Variants in TMPRSS15 observed in about 807,000 individuals in gnomAD.
TMPRSS15 encodes transmembrane serine protease 15.
TMPRSS15 carries 128 observed loss-of-function variants against 125.3 expected under a neutral mutation model. The observed-to-expected ratio is 1.02, with a 90% confidence interval of 0.89 to 1.18. The LOEUF (loss-of-function observed/expected upper bound fraction) is 1.18. TMPRSS15 is among the 50% of genes most tolerant of loss of function. TMPRSS15 has a pLI of 0.00. For synonymous variants in TMPRSS15, 446 were observed against 423.2 expected, an observed-to-expected ratio of 1.05 and a Z score of -0.66; for missense variants, 1,283 against 1,212.7, an observed-to-expected ratio of 1.06 and a Z score of -0.86.
chr21:18,430,084 A>G (rs190617323), intron 1 of TMPRSS15, among the ~76,000 whole-genome samples: 85 of 152,248 alleles, frequency 5.6e-4, no homozygotes, highest in Admixed American at 2.7e-3. Context: ...TCACCTTTTC[A>G]CAATGTTAGC....
At chr21:18,425,208 C>A (rs1445247920) in intron 1 of TMPRSS15, among the ~76,000 whole-genome samples, 1 of 151,940 alleles carries the variant, frequency 6.6e-6, no homozygotes, top group South Asian at 2.1e-4. Context: ...CAACAGAAAA[C>A]TATTCTTATG....
At chr21:18,272,516 G>A (rs1300679804) in intron 24 of TMPRSS15, among the ~76,000 whole-genome samples, 1 of 152,080 alleles carries the variant, frequency 6.6e-6, no homozygotes. Context: ...CTGAGATCAG[G>A]AGTTCGAGAT....
chr21:18,341,672 A>G lies in TMPRSS15; in HGVS notation c.1429-124T>C, dbSNP rs962020575. ...ATTCAATATTGTCACCTTGAACTAT[A>G]TGGTGACCGTTACTACATAGTGAAA... is the stretch of plus-strand genomic sequence containing the variant. On this transcript the variant is annotated intron_variant, in intron 12 of 24. Coordinates refer to ENST00000284885, the MANE Select transcript of TMPRSS15 (RefSeq NM_002772.3). 1.1e-4 allele frequency: 115 copies of G among 1,065,754 alleles called. 2 individuals carry two copies. The South Asian group carries it at 1.4e-3, about 13-fold the overall frequency. 66.0% of individuals were successfully genotyped at this position (1,065,754 alleles called of 1,614,324 possible). A position where few individuals can be genotyped will look rare whatever the true frequency, so the allele number is the denominator to read the frequency against.
intron 6 of TMPRSS15, among the ~76,000 whole-genome samples, chr21:18,365,833 C>T (rs1318402080): frequency 3.6e-5 from 5 of 140,448 alleles, no homozygotes; most frequent in African/African-American, 1.3e-4. Flanking sequence ...CTCCTGTGTT[C>T]AAGTGATTCT....
chr21:18,386,970 G>GAAAAA (rs2075949525), intron 3 of TMPRSS15, among the ~76,000 whole-genome samples: 1 of 152,108 alleles, frequency 6.6e-6, no homozygotes, highest in Non-Finnish European at 1.5e-5. Context: ...ATTTTTCTTT[G>GAAAAA]AAAGGTGTGT....
chr21:18,341,833 G>A (rs1225455072), intron 12 of TMPRSS15, among the ~76,000 whole-genome samples: 1 of 152,118 alleles, frequency 6.6e-6, no homozygotes, highest in Non-Finnish European at 1.5e-5. Context: ...CTCTGTCTGT[G>A]TCTCTCTTAT....
chr21:18,470,549 G>C (rs533874218), intron 1 of TMPRSS15, among the ~76,000 whole-genome samples: 4 of 152,066 alleles, frequency 2.6e-5, no homozygotes, highest in Admixed American at 6.6e-5. Context: ...AAAAGAAGCA[G>C]TATATCTGAA....
intron 4 of TMPRSS15, chr21:18,380,710 G>A: frequency 2.9e-6 from 1 of 345,540 alleles, no homozygotes; most frequent in South Asian, 2.4e-5. Flanking sequence ...TTTATCCTCT[G>A]CCATGCTAAG....
intron 5 of TMPRSS15, among the ~76,000 whole-genome samples, chr21:18,378,818 G>T (rs1346277859): frequency 6.6e-6 from 1 of 152,004 alleles, no homozygotes; most frequent in African/African-American, 2.4e-5. Flanking sequence ...GCACAAAGTA[G>T]ATACTTAAAA....
chr21:18,274,417 G>A (rs1162597690), intron 24 of TMPRSS15, among the ~76,000 whole-genome samples: 3 of 152,078 alleles, frequency 2.0e-5, no homozygotes, highest in Admixed American at 6.5e-5. Flanking sequence ...TTTATTTATT[G>A]TGTGTACTTG....
rs147260020 is a variant in TMPRSS15, at chr21:18,279,044, A to G, written c.2684T>C (p.Ile895Thr). Reference protein sequence around the residue: ...KVNYTDYIQPICLPEENQVFP... With the variant: ...KVNYTDYIQPTCLPEENQVFP... ...AACTTGATTTTCTTCCGGTAAACAA[A>G]TAGGTTGTATGTAATCTGGAAAAAC... Residue 895 changes from isoleucine to threonine, a missense_variant, in exon 23 of 25, where the codon ATT becomes ACT. Coordinates refer to ENST00000284885, the MANE Select transcript of TMPRSS15 (RefSeq NM_002772.3). The G allele has an allele frequency of 9.5e-6, 15 of 1,581,872 alleles. No individual in the cohort carries two copies. In the African/African-American group the frequency reaches 1.5e-4, roughly 16 times the overall value.
chr21:18,483,707 T>G (rs536205087), intron 1 of TMPRSS15, among the ~76,000 whole-genome samples: 29 of 152,078 alleles, frequency 1.9e-4, no homozygotes, highest in Middle Eastern at 3.4e-3. Context: ...GTGTGATAAT[T>G]GACAACTCAT....
intron 1 of TMPRSS15, among the ~76,000 whole-genome samples, chr21:18,424,029 C>T (rs1374217331): frequency 6.6e-6 from 1 of 152,104 alleles, no homozygotes; most frequent in African/African-American, 2.4e-5. Context: ...AAGTTTCAGC[C>T]TGGCATCAAT....
At chr21:18,377,351 G>T (rs1052139246) in intron 5 of TMPRSS15, among the ~76,000 whole-genome samples, 2 of 152,014 alleles carry the variant, frequency 1.3e-5, no homozygotes, top group Non-Finnish European at 2.9e-5. Context: ...ATCTTTTAAA[G>T]AAAGTATCCA....
chr21:18,296,450 TTGA>T (rs2074908805), intron 19 of TMPRSS15, among the ~76,000 whole-genome samples: 1 of 152,200 alleles, frequency 6.6e-6, no homozygotes, highest in Admixed American at 6.5e-5. Context: ...AACTGGCTTG[TTGA>T]TGTGATGAAA....
intron 8 of TMPRSS15, among the ~76,000 whole-genome samples, chr21:18,358,708 C>T (rs1325315664): frequency 6.6e-6 from 1 of 151,880 alleles, no homozygotes; most frequent in African/African-American, 2.4e-5. Flanking sequence ...ATATATTATA[C>T]CTCATTTTAC....
intron 1 of TMPRSS15, among the ~76,000 whole-genome samples, chr21:18,470,480 C>A (rs978424): frequency 0.56 from 85,530 of 151,812 alleles, 24,922 homozygotes; most frequent in East Asian, 0.91. Flanking sequence ...TAAATGAATT[C>A]TAAGCAAATG....
chr21:18,318,829 G>A (rs1399420228), intron 16 of TMPRSS15, among the ~76,000 whole-genome samples: 1 of 152,178 alleles, frequency 6.6e-6, no homozygotes, highest in Non-Finnish European at 1.5e-5. Flanking sequence ...TATGCCAGCT[G>A]TAATACCCAT....
chr21:18,459,066 A>G (rs960275760), intron 1 of TMPRSS15, among the ~76,000 whole-genome samples: 9 of 152,090 alleles, frequency 5.9e-5, no homozygotes, highest in Non-Finnish European at 1.2e-4. Flanking sequence ...GCTTTTGTAT[A>G]TGTATATGGT....
Sources: allele counts gnomAD v4.1 joint callset (sites outside exome capture counted in the v4.1 genomes callset), GRCh38; gene constraint gnomAD v4.1.1; transcripts MANE v1.5; gene names NCBI Gene and HGNC (gene_info 2026-07-23, HGNC 2026-07-21).